The following MME variants were observed in gnomAD, a reference collection of about 807,000 sequenced individuals.
MME encodes neprilysin.
A neutral mutation model predicts 113.2 loss-of-function variants in MME; 98 were observed. The ratio of observed to expected loss-of-function variants is 0.87; its 90% CI spans 0.74 to 1.02. MME has a LOEUF of 1.02. Ranked by LOEUF, MME falls within the 50% of genes least tolerant of loss-of-function variation. MME has a pLI of 0.00. For missense variants in MME, 836 were observed against 896.0 expected (o/e 0.93, Z 0.86); for synonymous variants, 292 against 300.6 (o/e 0.97, Z 0.30).
intron 3 of MME, among the ~76,000 whole-genome samples, chr3:155,095,824 G>A (rs1241383947): frequency 6.6e-6 from 1 of 152,152 alleles, no homozygotes; most frequent in Non-Finnish European, 1.5e-5. Flanking sequence ...ATTACCATAT[G>A]GTTTGATAAG....
At chr3:155,071,050 T>C (rs1229436695) in intron 1 of MME, among the ~76,000 whole-genome samples, 1 of 152,154 alleles carries the variant, frequency 6.6e-6, no homozygotes, top group Non-Finnish European at 1.5e-5. Flanking sequence ...CCTTGGTATG[T>C]GGTGATGGGC....
At chr3:155,085,447 G>A in intron 3 of MME, 1 of 166,654 alleles carries the variant, frequency 6.0e-6, no homozygotes, top group Non-Finnish European at 1.3e-5. Flanking sequence ...TCACTAGGTG[G>A]GTGAGAAGAA....
intron 19 of MME, 29 bp downstream of exon 19, chr3:155,168,654 TTTAGACA>T: frequency 1.2e-6 from 2 of 1,613,668 alleles, no homozygotes; most frequent in South Asian, 2.2e-5. Flanking sequence ...CTTGAAAAGT[TTTAGACA>T]TGTTCAATCT....
intron 1 of MME, among the ~76,000 whole-genome samples, chr3:155,068,097 TAAAC>T (rs1330314543): frequency 6.6e-6 from 1 of 152,122 alleles, no homozygotes; most frequent in Non-Finnish European, 1.5e-5. Flanking sequence ...TATTCAATAA[TAAAC>T]AAAAGAATGA....
chr3:155,044,623 G>A (rs1322148068), intron 1 of MME, among the ~76,000 whole-genome samples: 13 of 151,736 alleles, frequency 8.6e-5, no homozygotes, highest in Admixed American at 3.9e-4. Context: ...GGGTTCAAGC[G>A]ATTCTCCTGC....
rs1716507592 is a variant in MME at position 155,093,928 on chromosome 3, T to G, written c.196+8834T>G. ...ACCAAATTTGAATTTAACTTGAAAT[T>G]GTAGGACTTCTTTGTATAAACTTGC... On this transcript the variant is annotated intron_variant, in intron 3 of 22. Transcript: ENST00000360490. Among the ~76,000 whole-genome samples the G allele has an allele frequency of 2.0e-5, 3 of 152,132 alleles. No homozygotes were observed. The South Asian group carries it at 6.2e-4, about 32-fold the overall frequency.
intron 8 of MME, among the ~76,000 whole-genome samples, chr3:155,127,143 T>TC (rs1719748247): frequency 6.6e-6 from 1 of 152,166 alleles, no homozygotes; most frequent in African/African-American, 2.4e-5. Context: ...ATTAGTCTGG[T>TC]CTTGGCTAAG....
At chr3:155,168,398 A>G in intron 18 of MME, 94 bp from the exon 19 acceptor site, 1 of 1,075,504 alleles carries the variant, frequency 9.3e-7, no homozygotes, top group Non-Finnish European at 1.4e-6. Flanking sequence ...GTTCTGTCAC[A>G]CAGCAGTATT....
At chr3:155,088,737 A>G (rs1716015115) in intron 3 of MME, among the ~76,000 whole-genome samples, 1 of 152,110 alleles carries the variant, frequency 6.6e-6, no homozygotes, top group African/African-American at 2.4e-5. Context: ...TGTTGAAAAA[A>G]TATAAAATAT....
At chr3:155,048,253 C>A (rs977944662) in intron 1 of MME, among the ~76,000 whole-genome samples, 4 of 152,130 alleles carry the variant, frequency 2.6e-5, no homozygotes. Flanking sequence ...TGTAAAGTCC[C>A]CTTTTCCTGG....
chr3:155,096,106 C>G (rs890237131), intron 3 of MME, among the ~76,000 whole-genome samples: 2 of 152,106 alleles, frequency 1.3e-5, no homozygotes, highest in Non-Finnish European at 2.9e-5. Flanking sequence ...TAGAAGCTAG[C>G]AAGACTTGAT....
At chr3:155,161,049 C>T (rs879300372) in intron 17 of MME, among the ~76,000 whole-genome samples, 8 of 152,084 alleles carry the variant, frequency 5.3e-5, no homozygotes, top group Non-Finnish European at 1.2e-4. Context: ...AGTATTATTA[C>T]AGACATATAT....
chr3:155,144,539 TATA>T, intron 14 of MME, 82 bp downstream of exon 14: 1 of 883,032 alleles, frequency 1.1e-6, no homozygotes, highest in Non-Finnish European at 1.8e-6. Flanking sequence ...TAGAAAAAAA[TATA>T]ATCAAAGATT....
intron 3 of MME, among the ~76,000 whole-genome samples, chr3:155,104,727 T>G (rs1417303724): frequency 6.6e-6 from 1 of 152,224 alleles, no homozygotes; most frequent in Non-Finnish European, 1.5e-5. Flanking sequence ...GGGATCTACC[T>G]GAAGAGTGTT....
intron 16 of MME, among the ~76,000 whole-genome samples, chr3:155,157,547 G>C (rs1460780806): frequency 6.6e-6 from 1 of 152,112 alleles, no homozygotes; most frequent in African/African-American, 2.4e-5. Context: ...TTACATCACT[G>C]TTTAGTTGGC....
chr3:155,129,566 A>G (rs1719968506), intron 8 of MME, among the ~76,000 whole-genome samples: 1 of 152,170 alleles, frequency 6.6e-6, no homozygotes, highest in African/African-American at 2.4e-5. Context: ...GTGATAGAGA[A>G]CAGTTGCATC....
At chr3:155,078,308 G>A (rs1245200522), upstream of MME, among the ~76,000 whole-genome samples, 2 of 152,090 alleles carry the variant, frequency 1.3e-5, no homozygotes, top group African/African-American at 2.4e-5. Context: ...CCAATATTTC[G>A]GGATTGTTGT....
intron 8 of MME, among the ~76,000 whole-genome samples, chr3:155,135,991 T>A (rs1436428969): frequency 6.6e-6 from 1 of 152,248 alleles, no homozygotes; most frequent in Non-Finnish European, 1.5e-5. Context: ...TCATGGATTT[T>A]GTATCCTGAA....
At chr3:155,133,600 CAT>C (rs199871858) in intron 8 of MME, among the ~76,000 whole-genome samples, 47 of 147,570 alleles carry the variant, frequency 3.2e-4, no homozygotes, top group East Asian at 2.0e-4. Flanking sequence ...AAAAGCATCC[CAT>C]ATATATATAT....
Sources: gnomAD v4.1 joint callset for allele counts (sites outside exome capture counted in the v4.1 genomes callset) on GRCh38, gnomAD v4.1.1 for gene constraint, MANE v1.5 for transcripts, NCBI Gene and HGNC (gene_info 2026-07-23, HGNC 2026-07-21) for gene names.